Variants in LUC7L2 observed in about 807,000 individuals in gnomAD.
The protein encoded by LUC7L2 is putative RNA-binding protein Luc7-like 2.
In LUC7L2, 25 loss-of-function variants were observed where a neutral mutation model predicts 52.8. That is an observed-to-expected ratio of 0.47 (90% CI 0.34 to 0.66). The LOEUF (loss-of-function observed/expected upper bound fraction) is 0.66. Among genes scored for constraint, LUC7L2 ranks in the 30% least tolerant of loss-of-function variants. LUC7L2 has a pLI of 0.01. For synonymous variants in LUC7L2, 144 were observed against 160.9 expected, an observed-to-expected ratio of 0.89 and a Z score of 0.80; for missense variants, 328 against 497.8, an observed-to-expected ratio of 0.66 and a Z score of 3.25.
At chr7:139,353,881 G>A (rs1258665297) in intron 1 of LUC7L2, among the ~76,000 whole-genome samples, 3 of 152,052 alleles carry the variant, frequency 2.0e-5, no homozygotes, top group Non-Finnish European at 4.4e-5. Flanking sequence ...TTGAGAGGTC[G>A]AGGCAGGCGG....
chr7:139,413,959 T>TA, intron 8 of LUC7L2, among the ~76,000 whole-genome samples: 1 of 152,340 alleles, frequency 6.6e-6, no homozygotes, highest in Non-Finnish European at 1.5e-5. Flanking sequence ...GTGATACTGT[T>TA]ATTGTTTACT....
chr7:139,409,135 T>TA (rs1286793052), intron 6 of LUC7L2, among the ~76,000 whole-genome samples: 10 of 148,280 alleles, frequency 6.7e-5, no homozygotes, highest in East Asian at 2.0e-4. Flanking sequence ...AGACTGTCTC[T>TA]AAAAAAAAAA....
chr7:139,361,205 C>T (rs949527169), intron 1 of LUC7L2, among the ~76,000 whole-genome samples: 1 of 152,220 alleles, frequency 6.6e-6, no homozygotes, highest in Non-Finnish European at 1.5e-5. Flanking sequence ...AATGTACTCT[C>T]AAATTCAACT....
At chr7:139,344,756 G>A (rs535762747) in intron 1 of LUC7L2, 20 of 138,486 alleles carry the variant, frequency 1.4e-4, no homozygotes, top group Admixed American at 4.6e-4. Flanking sequence ...AGACTGGAGT[G>A]CAGTGGCCCG....
Position 139,422,527 on chromosome 7 carries a change from G to A in LUC7L2, c.*187G>A. ...GATGATGCCTAAAACTACATCCATA[G>A]TTTCTGGTGAACCTGTAATACAGTT... On this transcript the variant is annotated 3_prime_UTR_variant, in exon 10 of 10. Coordinates refer to ENST00000354926, the MANE Select transcript of LUC7L2 (RefSeq NM_016019.5). The A allele has an allele frequency of 1.7e-6, 2 of 1,210,622 alleles. No individual in the cohort carries two copies. The highest frequency in any genetic ancestry group is 2.1e-6 in the Non-Finnish European group (2 of 944,454). 75.0% of individuals were successfully genotyped at this position (1,210,622 alleles called of 1,614,324 possible).
intron 2 of LUC7L2, among the ~76,000 whole-genome samples, chr7:139,385,162 A>G (rs1794138440): frequency 6.6e-6 from 1 of 152,060 alleles, no homozygotes; most frequent in Non-Finnish European, 1.5e-5. Context: ...GTTGATGTTT[A>G]TTTAATGAAT....
chr7:139,415,545 A>G (rs527506639), intron 8 of LUC7L2, among the ~76,000 whole-genome samples: 1 of 147,006 alleles, frequency 6.8e-6, no homozygotes, highest in Non-Finnish European at 1.5e-5. Context: ...TCCTTTTGGA[A>G]TTACTCTTTT....
chr7:139,419,391 T>C (rs921200617), intron 9 of LUC7L2, among the ~76,000 whole-genome samples: 1 of 152,136 alleles, frequency 6.6e-6, no homozygotes, highest in African/African-American at 2.4e-5. Context: ...ATGCAGAGAA[T>C]GAGGAGGGAG....
At chr7:139,391,947 G>A (rs971619804) in intron 2 of LUC7L2, among the ~76,000 whole-genome samples, 1 of 152,058 alleles carries the variant, frequency 6.6e-6, no homozygotes, top group South Asian at 2.1e-4. Flanking sequence ...AATTCAACCA[G>A]TACTAGAAAG....
chr7:139,387,746 TG>T (rs1404001391), intron 2 of LUC7L2, among the ~76,000 whole-genome samples: 1 of 152,156 alleles, frequency 6.6e-6, no homozygotes, highest in Non-Finnish European at 1.5e-5. Flanking sequence ...TCGTATAAGT[TG>T]TTTTTTCTTT....
At chr7:139,341,337 A>G in intron 1 of LUC7L2, 1 of 1,573,882 alleles carries the variant, frequency 6.4e-7, no homozygotes, top group South Asian at 1.1e-5. Context: ...AGGGGTTTTC[A>G]GGGTCGTAGG....
At chr7:139,371,097 G>A (rs1242834831) in intron 1 of LUC7L2, among the ~76,000 whole-genome samples, 4 of 152,104 alleles carry the variant, frequency 2.6e-5, no homozygotes, top group Non-Finnish European at 5.9e-5. Context: ...GGCTTCAGTT[G>A]CCACCCTAGA....
intron 1 of LUC7L2, among the ~76,000 whole-genome samples, chr7:139,349,630 G>A (rs1464608312): frequency 1.4e-5 from 2 of 144,928 alleles, no homozygotes; most frequent in East Asian, 2.0e-4. Flanking sequence ...CCCCCCCACC[G>A]GATTTTCCTT....
In LUC7L2 at chr7:139,360,333, G is replaced by A. The variant is rs1308591658; in HGVS notation, c.61+11G>A. The A allele has an allele frequency of 1.3e-6, 2 of 1,559,858 alleles. No homozygotes were observed. The highest frequency in any genetic ancestry group is 1.2e-5 in the South Asian group (1 of 84,878). ...GCACCTCCCGGGACGGTAAGTCTCT[G>A]CCAGGGCCCTGGGGGTGGGGGAGGG... On this transcript the variant is annotated intron_variant, in intron 1 of 9. Coordinates refer to ENST00000354926, the MANE Select transcript of LUC7L2 (RefSeq NM_016019.5).
intron 4 of LUC7L2, among the ~76,000 whole-genome samples, chr7:139,403,148 T>A (rs545297450): frequency 6.6e-6 from 1 of 152,262 alleles, no homozygotes; most frequent in African/African-American, 2.4e-5. Context: ...TACCACAGTA[T>A]TTTTATTTGC....
chr7:139,371,708 G>C (rs1410694303), intron 1 of LUC7L2, among the ~76,000 whole-genome samples: 1 of 152,172 alleles, frequency 6.6e-6, no homozygotes, highest in Non-Finnish European at 1.5e-5. Flanking sequence ...GCAGTGTTGG[G>C]AATGACAGTG....
upstream of LUC7L2, among the ~76,000 whole-genome samples, chr7:139,358,639 G>A (rs4379397): frequency 0.39 from 58,851 of 152,072 alleles, 15,848 homozygotes; most frequent in African/African-American, 0.77. Context: ...TACAGTTTTA[G>A]ATTTCTTTTT....
In LUC7L2 at chr7:139,360,071, G is replaced by T; in HGVS notation, c.-191G>T. On this transcript the variant is annotated 5_prime_UTR_variant, in exon 1 of 10. Transcript: ENST00000354926. ...GCTGTCGGGGGCTGTCGTCTTCCACGTACACGTCGTCGTGAGGAGCGCAGT... is the reference window on the plus strand; with the variant it reads ...GCTGTCGGGGGCTGTCGTCTTCCACTTACACGTCGTCGTGAGGAGCGCAGT... 1 of 547,176 alleles carries T rather than the reference G, an allele frequency of 1.8e-6. No individual in the cohort carries two copies. 33.9% of individuals were successfully genotyped at this position (547,176 alleles called of 1,614,324 possible).
intron 2 of LUC7L2, among the ~76,000 whole-genome samples, chr7:139,398,323 A>T (rs1794749504): frequency 1.3e-5 from 2 of 152,216 alleles, no homozygotes; most frequent in South Asian, 4.1e-4. Flanking sequence ...GTGATATAGA[A>T]GCTAGCTTTT....
Sources: allele counts gnomAD v4.1 joint callset (sites outside exome capture counted in the v4.1 genomes callset), GRCh38; gene constraint gnomAD v4.1.1; transcripts MANE v1.5; gene names NCBI Gene and HGNC (gene_info 2026-07-23, HGNC 2026-07-21).